The following DNM3 variants were observed in gnomAD, a reference collection of about 807,000 sequenced individuals.
The protein encoded by DNM3 is dynamin-3.
A neutral mutation model predicts 101.6 loss-of-function variants in DNM3; 47 were observed. The observed-to-expected ratio is 0.46, with a 90% CI of 0.37 to 0.59. The LOEUF (loss-of-function observed/expected upper bound fraction) is 0.59. Among genes scored for constraint, DNM3 ranks in the 20% least tolerant of loss-of-function variants. DNM3 has a pLI of 0.00. For synonymous variants in DNM3, 385 were observed against 387.9 expected (o/e 0.99, Z 0.09); for missense variants, 849 against 1,085.7 (o/e 0.78, Z 3.06).
chr1:172,007,270 G>A (rs1225506129), intron 4 of DNM3, among the ~76,000 whole-genome samples: 4 of 152,080 alleles, frequency 2.6e-5, no homozygotes, highest in Admixed American at 6.6e-5. Flanking sequence ...CAATATGAGT[G>A]TTTAATTGCT....
At chr1:172,343,424 A>G (rs1488978886) in intron 17 of DNM3, among the ~76,000 whole-genome samples, 3 of 152,192 alleles carry the variant, frequency 2.0e-5, no homozygotes, top group Non-Finnish European at 4.4e-5. Flanking sequence ...TGTCCTTTAA[A>G]GTATATGATT....
At chr1:172,234,506 C>T (rs927524395) in intron 14 of DNM3, among the ~76,000 whole-genome samples, 9 of 152,136 alleles carry the variant, frequency 5.9e-5, no homozygotes, top group Non-Finnish European at 1.3e-4. Context: ...CTACCAATGA[C>T]TTTCTTCACA....
intron 4 of DNM3, among the ~76,000 whole-genome samples, chr1:172,001,870 C>T (rs1168043569): frequency 6.6e-6 from 1 of 151,828 alleles, no homozygotes; most frequent in Non-Finnish European, 1.5e-5. Flanking sequence ...GTTAAAAATC[C>T]ATGGGTGATG....
intron 17 of DNM3, among the ~76,000 whole-genome samples, chr1:172,329,998 G>A (rs1050979613): frequency 2.0e-5 from 3 of 152,160 alleles, no homozygotes; most frequent in African/African-American, 7.2e-5. Flanking sequence ...AGGTGGTAAC[G>A]AGGAAGCCGT....
At chr1:172,387,757 T>C (rs917163459) in intron 19 of DNM3, among the ~76,000 whole-genome samples, 6 of 151,526 alleles carry the variant, frequency 4.0e-5, no homozygotes, top group Non-Finnish European at 8.8e-5. Flanking sequence ...AAGATGGACC[T>C]ACAGAAAAAG....
intron 10 of DNM3, among the ~76,000 whole-genome samples, chr1:172,065,129 T>C (rs2051551423): frequency 6.6e-6 from 1 of 152,244 alleles, no homozygotes; most frequent in South Asian, 2.1e-4. Flanking sequence ...GGCCTTTCCC[T>C]GACTTAATGA....
At chr1:172,045,710 T>C (rs1190849209) in intron 9 of DNM3, among the ~76,000 whole-genome samples, 3 of 152,204 alleles carry the variant, frequency 2.0e-5, no homozygotes, top group Non-Finnish European at 2.9e-5. Flanking sequence ...TGAATTGCAG[T>C]GTCCTTAATT....
Position 172,363,065 on chromosome 1 carries a change from C to G in DNM3, c.1894-15953C>G, listed in dbSNP as rs143367504. Among the ~76,000 whole-genome samples the G allele has an allele frequency of 1.1e-3, 166 of 151,936 alleles. 1 individual carries two copies. The highest frequency in any genetic ancestry group is 3.6e-3 in the African/African-American group (149 of 41,494). On this transcript the variant is annotated intron_variant, in intron 17 of 20. Coordinates refer to ENST00000627582, the MANE Select transcript of DNM3 (RefSeq NM_015569.5). ...CCCAAATACTTTCCTCCCTCTCTTT[C>G]TTGTTTCATTCCATTATTTATTCTT... is the stretch of plus-strand genomic sequence containing the variant.
chr1:172,358,345 A>T (rs1334762016), intron 17 of DNM3, among the ~76,000 whole-genome samples: 2 of 152,130 alleles, frequency 1.3e-5, no homozygotes. Context: ...AGAAATAATT[A>T]TTCCTGAATA....
At chr1:171,962,340 G>C (rs557707121) in intron 2 of DNM3, among the ~76,000 whole-genome samples, 2 of 152,232 alleles carry the variant, frequency 1.3e-5, no homozygotes, top group South Asian at 4.1e-4. Flanking sequence ...GAATAGGTAG[G>C]TAAATTCCTA....
chr1:172,231,009 T>G (rs2061315765), intron 14 of DNM3, among the ~76,000 whole-genome samples: 1 of 151,928 alleles, frequency 6.6e-6, no homozygotes, highest in African/African-American at 2.4e-5. Flanking sequence ...TGAACTCATC[T>G]AGGAGTTCAG....
intron 15 of DNM3, among the ~76,000 whole-genome samples, chr1:172,282,180 G>C (rs972764146): frequency 1.4e-4 from 21 of 152,094 alleles, no homozygotes; most frequent in Non-Finnish European, 2.8e-4. Context: ...GTTTTGTCTT[G>C]TCCGTTGCTC....
intron 10 of DNM3, among the ~76,000 whole-genome samples, chr1:172,063,732 T>A (rs1240752017): frequency 1.4e-5 from 2 of 141,658 alleles, no homozygotes; most frequent in East Asian, 4.1e-4. Flanking sequence ...TGAGCCAAGA[T>A]GTACCACTGC....
At chr1:172,010,867 T>A (rs1424603896) in intron 4 of DNM3, among the ~76,000 whole-genome samples, 1 of 151,914 alleles carries the variant, frequency 6.6e-6, no homozygotes, top group African/African-American at 2.4e-5. Context: ...ACTGTTTAAA[T>A]GTCATTTGTG....
At chr1:172,024,161 C>T (rs2048036164) in intron 4 of DNM3, among the ~76,000 whole-genome samples, 2 of 151,338 alleles carry the variant, frequency 1.3e-5, no homozygotes, top group South Asian at 4.2e-4. Context: ...TTTGGCTTTT[C>T]CTTCTTTCTT....
chr1:171,941,431 T>A lies in DNM3; in HGVS notation c.235+19610T>A, dbSNP rs78866210. Among the ~76,000 whole-genome samples, 987 of 152,266 alleles carry A rather than the reference T, an allele frequency of 6.5e-3. 16 individuals carry two copies. The highest frequency in any genetic ancestry group is 0.022 in the African/African-American group (894 of 41,548). On this transcript the variant is annotated intron_variant, in intron 2 of 20. Coordinates refer to ENST00000627582, the MANE Select transcript of DNM3 (RefSeq NM_015569.5). ...CCACAGGAGTGATATGAAGAAATAA[T>A]ATGACTGAGGAAGGTATACATACTG...
In DNM3 at chr1:172,172,282, G is replaced by A. The variant is rs138899605; in HGVS notation, c.1659+40994G>A. On this transcript the variant is annotated intron_variant, in intron 14 of 20. Coordinates refer to ENST00000627582, the MANE Select transcript of DNM3 (RefSeq NM_015569.5). ...TACAGTAGTCCCCCCTAATTCACAG[G>A]GACTACATTCCAAGACTCCGCATAG... 1.4e-3 allele frequency among the ~76,000 whole-genome samples: 211 copies of A among 151,514 alleles called. 2 individuals are homozygous for A. The highest frequency in any genetic ancestry group is 1.9e-3 in the Non-Finnish European group (131 of 67,758).
intron 2 of DNM3, among the ~76,000 whole-genome samples, chr1:171,943,102 C>A (rs1443812093): frequency 6.6e-6 from 1 of 151,236 alleles, no homozygotes; most frequent in Non-Finnish European, 1.5e-5. Flanking sequence ...CAGAGTGAAA[C>A]ACTGTCTCAA....
chr1:172,098,204 A>G (rs899393331), intron 13 of DNM3, among the ~76,000 whole-genome samples: 3 of 152,254 alleles, frequency 2.0e-5, no homozygotes, highest in Non-Finnish European at 4.4e-5. Flanking sequence ...GGCTTATTTC[A>G]TCTCTACAGC....
Sources: gnomAD v4.1 joint callset for allele counts (sites outside exome capture counted in the v4.1 genomes callset) on GRCh38, gnomAD v4.1.1 for gene constraint, MANE v1.5 for transcripts, NCBI Gene and HGNC (gene_info 2026-07-23, HGNC 2026-07-21) for gene names.